INPP4B: variants seen among roughly 807,000 people sequenced by gnomAD.
INPP4B encodes the protein inositol polyphosphate-4-phosphatase type II B, also known as inositol polyphosphate 4-phosphatase type II.
Under a neutral mutation model 122.5 loss-of-function variants are expected in INPP4B, and 55 were observed. That is an observed-to-expected ratio of 0.45 (90% CI 0.36 to 0.56). The LOEUF (loss-of-function observed/expected upper bound fraction) is 0.56. Among genes scored for constraint, INPP4B ranks in the 20% least tolerant of loss-of-function variants. INPP4B has a pLI of 0.00. For missense variants in INPP4B, 1,000 were observed against 1,097.7 expected, an observed-to-expected ratio of 0.91 and a Z score of 1.26; for synonymous variants, 403 against 388.7, an observed-to-expected ratio of 1.04 and a Z score of -0.43.
At chr4:142,274,124 G>T (rs1014083555) in intron 9 of INPP4B, among the ~76,000 whole-genome samples, 3 of 151,544 alleles carry the variant, frequency 2.0e-5, no homozygotes, top group Admixed American at 6.6e-5. Flanking sequence ...CTATCAAGTT[G>T]GAAAGGCTAG....
intron 1 of INPP4B, among the ~76,000 whole-genome samples, chr4:142,770,889 G>A (rs553601551): frequency 1.3e-5 from 2 of 152,254 alleles, no homozygotes; most frequent in Admixed American, 6.5e-5. Context: ...GGATCCAGCC[G>A]TCTAGACAGC....
chr4:142,396,328 A>C (rs1053808464), intron 7 of INPP4B, among the ~76,000 whole-genome samples: 6 of 152,154 alleles, frequency 3.9e-5, no homozygotes, highest in Admixed American at 3.9e-4. Flanking sequence ...TTTTCCAAAA[A>C]GAGTCAGATG....
intron 18 of INPP4B, among the ~76,000 whole-genome samples, chr4:142,132,046 G>A (rs1161967680): frequency 6.6e-6 from 1 of 151,934 alleles, no homozygotes; most frequent in Non-Finnish European, 1.5e-5. Flanking sequence ...TTCTCTGTGG[G>A]TGTGAACATC....
At position 142,505,845 on chromosome 4, in the gene INPP4B, T is replaced by C. The variant is rs189293713; in HGVS notation, c.-190-43119A>G. 5.9e-3 allele frequency among the ~76,000 whole-genome samples: 903 copies of C among 152,272 alleles called. 7 individuals carry two copies. The highest frequency in any genetic ancestry group is 0.02 in the African/African-American group (851 of 41,568). On this transcript the variant is annotated intron_variant, in intron 2 of 25. Transcript: ENST00000262992. Reference sequence around the variant, plus strand: ...CAAGATCTTCAAAATCTGTCTTTCATCTAATTTCAACAATTCTCCTATACC... The same window carrying C: ...CAAGATCTTCAAAATCTGTCTTTCACCTAATTTCAACAATTCTCCTATACC...
At chr4:142,232,007 T>C (rs1341360353) in intron 12 of INPP4B, among the ~76,000 whole-genome samples, 1 of 152,154 alleles carries the variant, frequency 6.6e-6, no homozygotes, top group Non-Finnish European at 1.5e-5. Context: ...CAATTAATCA[T>C]GCAAATATTG....
chr4:142,686,704 A>G (rs775090290), intron 2 of INPP4B, among the ~76,000 whole-genome samples: 1 of 152,122 alleles, frequency 6.6e-6, no homozygotes. Flanking sequence ...ATCAGATAGC[A>G]TACTTCAAAC....
In INPP4B at chr4:142,311,159, G is replaced by A. The variant is rs181976337; in HGVS notation, c.423+3553C>T. Among the ~76,000 whole-genome samples the A allele has an allele frequency of 3.4e-4, 52 of 152,164 alleles. 1 individual carries two copies. The highest frequency in any genetic ancestry group is 2.3e-3 in the Admixed American group (35 of 15,288). ...GCTTAAACTCTCCGATCTGTTTTGC[G>A]GTGTCCAAGGAAATATTTTGAGGAT... On this transcript the variant is annotated intron_variant, in intron 8 of 25. Coordinates refer to ENST00000262992, the MANE Select transcript of INPP4B (RefSeq NM_001101669.3).
intron 11 of INPP4B, among the ~76,000 whole-genome samples, chr4:142,247,648 C>A (rs1729591443): frequency 6.6e-6 from 1 of 152,046 alleles, no homozygotes; most frequent in South Asian, 2.1e-4. Flanking sequence ...TCCCCTTTAT[C>A]ATTTTTATTG....
rs57430432 is a variant in INPP4B at position 142,294,829 on chromosome 4, CAAAAAA to C, written c.503+10623_503+10628del. On this transcript the variant is annotated intron_variant, in intron 9 of 25. Coordinates refer to ENST00000262992, the MANE Select transcript of INPP4B (RefSeq NM_001101669.3). Reference sequence around the variant, plus strand: ...CGGGCGACAGAGCGAGACTCCGTCTCAAAAAAAAAAAAAAAAAAAAAAAAAAAGGCA... The same window carrying C: ...CGGGCGACAGAGCGAGACTCCGTCTCAAAAAAAAAAAAAAAAAAAAAGGCA... 2.0e-3 allele frequency among the ~76,000 whole-genome samples: 56 copies of C among 28,476 alleles called. 1 individual carries two copies. Among genetic ancestry groups the C allele is most frequent in the Middle Eastern group, 0.077 (2 of 26 alleles). 18.7% of individuals were successfully genotyped at this position (28,476 alleles called of 152,430 possible). A position where few individuals can be genotyped will look rare whatever the true frequency, so the allele number is the denominator to read the frequency against.
chr4:142,750,802 A>G (rs192033842), intron 1 of INPP4B, among the ~76,000 whole-genome samples: 70 of 152,224 alleles, frequency 4.6e-4, no homozygotes, highest in African/African-American at 1.5e-3. Flanking sequence ...CTTGGATGCC[A>G]AGTTATAGAA....
intron 1 of INPP4B, among the ~76,000 whole-genome samples, chr4:142,777,201 C>T (rs1387932182): frequency 6.6e-6 from 1 of 152,102 alleles, no homozygotes; most frequent in Non-Finnish European, 1.5e-5. Context: ...GTGTTAAGAC[C>T]TTGGCAGGAA....
intron 5 of INPP4B, among the ~76,000 whole-genome samples, chr4:142,418,310 T>C (rs1418685827): frequency 6.6e-6 from 1 of 152,116 alleles, no homozygotes; most frequent in Non-Finnish European, 1.5e-5. Context: ...TATATAAATA[T>C]ATTGATTTAT....
At chr4:142,562,714 AAT>A (rs1022128599) in intron 2 of INPP4B, among the ~76,000 whole-genome samples, 9 of 152,182 alleles carry the variant, frequency 5.9e-5, no homozygotes, top group African/African-American at 2.2e-4. Flanking sequence ...AAGAAAAAAA[AAT>A]AGAGAGATAA....
chr4:142,541,269 G>A (rs1000791531), intron 2 of INPP4B, among the ~76,000 whole-genome samples: 2 of 152,184 alleles, frequency 1.3e-5, no homozygotes, highest in South Asian at 2.1e-4. Context: ...AGAAACTGAG[G>A]TGTAGAGAAA....
chr4:142,408,259 G>GAA (rs3076601), intron 5 of INPP4B, among the ~76,000 whole-genome samples: 15,628 of 148,566 alleles, frequency 0.11, 1,008 homozygotes, highest in East Asian at 0.19. Flanking sequence ...CTGTTTTCAG[G>GAA]AAAAAAAAAA....
At chr4:142,795,927 C>A (rs1044368640) in intron 1 of INPP4B, among the ~76,000 whole-genome samples, 1 of 151,916 alleles carries the variant, frequency 6.6e-6, no homozygotes, top group Non-Finnish European at 1.5e-5. Context: ...ATTTAATAAG[C>A]CTCCTATATT....
At chr4:142,799,255 T>C (rs1015563939) in intron 1 of INPP4B, among the ~76,000 whole-genome samples, 4 of 151,878 alleles carry the variant, frequency 2.6e-5, no homozygotes, top group Non-Finnish European at 5.9e-5. Context: ...CTCATTACTT[T>C]CTAAAACTCA....
In INPP4B at chr4:142,160,377, T is replaced by C. The variant is rs1023641635; in HGVS notation, c.1544A>G (p.Asp515Gly). 6.4e-6 allele frequency: 10 copies of C among 1,551,568 alleles called. No homozygotes were observed. Among genetic ancestry groups the C allele is most frequent in the South Asian group, 1.2e-5 (1 of 84,522 alleles). ...RGQDSIPHHS[D>G]YDEEEWDRVW... is the part of the protein sequence containing the mutation. ...ACTTACCCACTCTTCCTCATCATAG[T>C]CTGAATGATGTGGTATGGAGTCCTG... Residue 515 changes from aspartate to glycine, a missense_variant, in exon 17 of 26, where the codon GAC (aspartate) becomes GGC (glycine). Coordinates refer to ENST00000262992, the MANE Select transcript of INPP4B (RefSeq NM_001101669.3).
At chr4:142,560,561 C>A (rs2042643) in intron 2 of INPP4B, 78,350 of 152,080 alleles carry the variant, frequency 0.52, 23,126 homozygotes, top group Non-Finnish European at 0.67. Flanking sequence ...ACAGTGTAGC[C>A]TTCAATCTGT....
Sources: allele counts gnomAD v4.1 joint callset (sites outside exome capture counted in the v4.1 genomes callset), GRCh38; gene constraint gnomAD v4.1.1; transcripts MANE v1.5; gene names NCBI Gene and HGNC (gene_info 2026-07-23, HGNC 2026-07-21).